Variants in PTPN13 observed in about 807,000 individuals in gnomAD.
PTPN13 encodes protein tyrosine phosphatase non-receptor type 13.
In PTPN13, 191 loss-of-function variants were observed where a neutral mutation model predicts 284.0. The observed-to-expected ratio is 0.67, with a 90% CI of 0.60 to 0.76. The LOEUF (loss-of-function observed/expected upper bound fraction) is 0.76. Among genes scored for constraint, PTPN13 ranks in the 30% least tolerant of loss-of-function variants. The pLI is 0.00. For missense variants in PTPN13, 2,797 were observed against 2,939.9 expected, an observed-to-expected ratio of 0.95 and a Z score of 1.12; for synonymous variants, 986 against 1,022.3, an observed-to-expected ratio of 0.96 and a Z score of 0.68.
At chr4:86,604,377 G>A (rs947412950) in intron 1 of PTPN13, among the ~76,000 whole-genome samples, 1 of 151,936 alleles carries the variant, frequency 6.6e-6, no homozygotes, top group African/African-American at 2.4e-5. Context: ...CTCTTCAATT[G>A]TGTTACTGAG....
intron 6 of PTPN13, among the ~76,000 whole-genome samples, chr4:86,700,876 C>G (rs1731082963): frequency 6.6e-6 from 1 of 152,100 alleles, no homozygotes; most frequent in African/African-American, 2.4e-5. Context: ...TAAAGTAGTT[C>G]ACTATACATT....
At chr4:86,693,949 A>C (rs1283048589) in intron 6 of PTPN13, among the ~76,000 whole-genome samples, 1 of 152,070 alleles carries the variant, frequency 6.6e-6, no homozygotes, top group Middle Eastern at 3.2e-3. Context: ...ATATTTATTT[A>C]CTTTATCGTG....
At position 86,759,931 on chromosome 4, in the gene PTPN13, A is replaced by G. The variant is rs557744281; in HGVS notation, c.3553+858A>G. Reference sequence around the variant, plus strand: ...GATACAAGTAAGTTACCTTCATGCCAAAGATATTGGGAAATACATAAAAGA... The same window carrying G: ...GATACAAGTAAGTTACCTTCATGCCGAAGATATTGGGAAATACATAAAAGA... On this transcript the variant is annotated intron_variant, in intron 23 of 47. Transcript: ENST00000411767. 8.3e-4 allele frequency among the ~76,000 whole-genome samples: 127 copies of G among 152,318 alleles called. 2 individuals are homozygous for G. The South Asian group carries it at 0.026, about 31-fold the overall frequency.
intron 16 of PTPN13, among the ~76,000 whole-genome samples, chr4:86,744,412 A>G (rs1578554882): frequency 6.6e-6 from 1 of 152,206 alleles, no homozygotes; most frequent in East Asian, 1.9e-4. Flanking sequence ...CAATAATCTT[A>G]TCAAAGGAAT....
At chr4:86,765,571 T>C in intron 26 of PTPN13, 83 bp downstream of exon 26, 1 of 908,088 alleles carries the variant, frequency 1.1e-6, no homozygotes, top group Non-Finnish European at 1.7e-6. Flanking sequence ...ATAACTGACC[T>C]TCAAATTCAT....
intron 1 of PTPN13, among the ~76,000 whole-genome samples, chr4:86,610,251 C>T (rs1222728812): frequency 1.3e-5 from 2 of 152,050 alleles, no homozygotes; most frequent in African/African-American, 2.4e-5. Flanking sequence ...GGAATACTTC[C>T]TGCAGCCCCA....
intron 17 of PTPN13, among the ~76,000 whole-genome samples, chr4:86,746,288 T>C (rs1049595620): frequency 6.6e-6 from 1 of 152,198 alleles, no homozygotes; most frequent in Non-Finnish European, 1.5e-5. Flanking sequence ...CAAAATCTAA[T>C]TCTACATAGT....
In PTPN13 at chr4:86,717,127, GA is replaced by G. The variant is rs2149071715; in HGVS notation, c.1385+15del. 2 of 1,572,834 alleles carry G rather than the reference GA, an allele frequency of 1.3e-6. No individual in the cohort carries two copies. Among genetic ancestry groups the G allele is most frequent in the South Asian group, 1.1e-5 (1 of 89,440 alleles). Reference sequence around the variant, plus strand: ...AGTCACAGAGACCGAGGTATGTCATGAAAAAGTAGTGATGATACATTTCCAG... The same window carrying G: ...AGTCACAGAGACCGAGGTATGTCATGAAAAGTAGTGATGATACATTTCCAG... On this transcript the variant is annotated intron_variant, in intron 9 of 47. Coordinates refer to ENST00000411767, the MANE Select transcript of PTPN13 (RefSeq NM_080683.3).
chr4:86,802,178 T>TGG (rs1231633339), intron 42 of PTPN13, among the ~76,000 whole-genome samples: 2 of 150,386 alleles, frequency 1.3e-5, no homozygotes, highest in Non-Finnish European at 3.0e-5. Flanking sequence ...TGTGTGTGTG[T>TGG]GGTGTGTAAG....
Position 86,769,761 on chromosome 4 carries a change from T to C in PTPN13, c.4490-8T>C. ...ATATCTAAATTTTTTTTATATCTTT[T>C]TCTCCAGAAAATACATTTGAGGTAA... On this transcript the variant is annotated splice_polypyrimidine_tract_variant and splice_region_variant and intron_variant, in intron 28 of 47. Transcript: ENST00000411767. 6.4e-7 allele frequency: 1 copy of C among 1,553,566 alleles called. No individual in the cohort carries two copies.
At chr4:86,641,001 A>G (rs1191425241) in intron 2 of PTPN13, among the ~76,000 whole-genome samples, 1 of 152,122 alleles carries the variant, frequency 6.6e-6, no homozygotes, top group Non-Finnish European at 1.5e-5. Context: ...TGCTAATTGG[A>G]AATTTCTATT....
intron 1 of PTPN13, among the ~76,000 whole-genome samples, chr4:86,609,654 T>TC (rs1441441023): frequency 1.3e-5 from 2 of 152,194 alleles, no homozygotes; most frequent in African/African-American, 4.8e-5. Flanking sequence ...TTCTTTTTTT[T>TC]CCTCAGATTA....
chr4:86,721,117 G>T (rs1246566551), intron 9 of PTPN13, among the ~76,000 whole-genome samples: 4 of 151,578 alleles, frequency 2.6e-5, no homozygotes, highest in Non-Finnish European at 5.9e-5. Context: ...TTTTATAGAA[G>T]TTTTGGTTAG....
At chr4:86,679,193 T>C (rs1303356360) in intron 3 of PTPN13, among the ~76,000 whole-genome samples, 1 of 152,246 alleles carries the variant, frequency 6.6e-6, no homozygotes, top group Non-Finnish European at 1.5e-5. Context: ...CTTTGAAAAC[T>C]CTTTTCACCC....
At chr4:86,781,689 A>G (rs1448219070) in intron 36 of PTPN13, among the ~76,000 whole-genome samples, 1 of 152,126 alleles carries the variant, frequency 6.6e-6, no homozygotes, top group Non-Finnish European at 1.5e-5. Flanking sequence ...TTAAGAAATT[A>G]GCTTTTTCCT....
In PTPN13 at chr4:86,807,679, A is replaced by C; in HGVS notation, c.6865A>C (p.Thr2289Pro). ...TGCCTGCCAAGGACCACTGCCTACA[A>C]CTGTTGGAGACTTCTGGCAGATGAT... ...YIACQGPLPT[T>P]VGDFWQMIWE... is the part of the protein sequence containing the mutation. The change falls in exon 45 of 48, where the codon ACT (threonine) becomes CCT (proline). Residue 2289 changes from threonine (T) to proline (P), a missense_variant. Physicochemically the swap from Thr to Pro is conservative, Grantham distance 38 (BLOSUM62 -1). Transcript: ENST00000411767. 6.2e-7 allele frequency: 1 copy of C among 1,614,012 alleles called. No individual in the cohort carries two copies. Among genetic ancestry groups the C allele is most frequent in the Non-Finnish European group, 8.5e-7 (1 of 1,179,884 alleles).
chr4:86,603,196 A>T (rs1457472468), intron 1 of PTPN13, among the ~76,000 whole-genome samples: 3 of 152,218 alleles, frequency 2.0e-5, no homozygotes, highest in Non-Finnish European at 1.5e-5. Context: ...TGAAAAATGG[A>T]GTATAAAGTA....
intron 2 of PTPN13, among the ~76,000 whole-genome samples, chr4:86,653,955 A>G (rs1725428416): frequency 6.6e-6 from 1 of 152,194 alleles, no homozygotes; most frequent in Non-Finnish European, 1.5e-5. Context: ...TAACATATCA[A>G]AACTCCAGGA....
intron 7 of PTPN13, among the ~76,000 whole-genome samples, chr4:86,715,125 A>G (rs925713097): frequency 6.6e-6 from 1 of 152,180 alleles, no homozygotes; most frequent in Non-Finnish European, 1.5e-5. Flanking sequence ...TTAGTAACAC[A>G]GGTACAGAAT....
Sources: allele counts gnomAD v4.1 joint callset (sites outside exome capture counted in the v4.1 genomes callset), GRCh38; gene constraint gnomAD v4.1.1; transcripts MANE v1.5; gene names NCBI Gene and HGNC (gene_info 2026-07-23, HGNC 2026-07-21).